The following PHYKPL variants were observed in gnomAD, a reference collection of about 807,000 sequenced individuals.
The protein encoded by PHYKPL is 5-phosphohydroxy-L-lysine phospho-lyase, also known as 5-phosphonooxy-L-lysine phospho-lyase.
In PHYKPL, 42 loss-of-function variants were observed where a neutral mutation model predicts 51.3. That is an observed-to-expected ratio of 0.82 (90% confidence interval 0.64 to 1.06). PHYKPL has a LOEUF of 1.06. Among genes scored for constraint, PHYKPL ranks in the 50% least tolerant of loss-of-function variants. The pLI is 0.00. For synonymous variants in PHYKPL, 264 were observed against 236.0 expected (o/e 1.12, Z -1.09); for missense variants, 655 against 586.6 (o/e 1.12, Z -1.20).
intron 8 of PHYKPL, among the ~76,000 whole-genome samples, chr5:178,217,931 G>C (rs1020881680): frequency 2.7e-5 from 4 of 148,066 alleles, no homozygotes; most frequent in East Asian, 4.1e-4. Context: ...AAGAAAAACA[G>C]TCATGTCTGG....
At chr5:178,211,776 T>C (rs1758515666) in intron 12 of PHYKPL, 114 bp downstream of exon 12, 1 of 672,520 alleles carries the variant, frequency 1.5e-6, no homozygotes, top group African/African-American at 1.8e-5. Context: ...GGAAGGAGCA[T>C]CAGTCAGAAC....
rs1206700727 is a variant in PHYKPL, at chr5:178,232,471, G to GCCCGCCC, written c.59+14_59+20dup. ...TCCGCGCAGCCCCGCGCCCCCCGCC[G>GCCCGCCC]CCCGCCCCCCGCCCGGGTACCTGAT... On this transcript the variant is annotated intron_variant, in intron 1 of 12. Transcript: ENST00000308158. 4.2e-5 allele frequency: 51 copies of GCCCGCCC among 1,219,576 alleles called. 1 individual carries two copies. The highest frequency in any genetic ancestry group is 2.3e-4 in the South Asian group (12 of 52,810). 75.5% of individuals were successfully genotyped at this position (1,219,576 alleles called of 1,614,324 possible).
intron 1 of PHYKPL, chr5:178,231,771 C>T (rs773182308): frequency 2.8e-5 from 41 of 1,466,770 alleles, no homozygotes; most frequent in South Asian, 1.6e-4. Context: ...GCCTCTGTGG[C>T]CTCCTTGCTC....
chr5:178,207,420 A>G (rs1329702663), downstream of PHYKPL, among the ~76,000 whole-genome samples: 2 of 152,218 alleles, frequency 1.3e-5, no homozygotes, highest in Non-Finnish European at 2.9e-5. Context: ...AGGACTGCCA[A>G]TAAACAACAC....
chr5:178,217,771 T>A (rs1192575972), intron 8 of PHYKPL, among the ~76,000 whole-genome samples: 2 of 146,716 alleles, frequency 1.4e-5, no homozygotes, highest in Non-Finnish European at 3.0e-5. Flanking sequence ...GGCAGGAGAA[T>A]GGCGTGAACC....
intron 3 of PHYKPL, chr5:178,228,547 T>C (rs1210774625): frequency 2.8e-6 from 2 of 702,484 alleles, no homozygotes; most frequent in African/African-American, 1.7e-5. Flanking sequence ...ACATGGCAAA[T>C]GTCTGGGCTC....
At chr5:178,212,560 A>G (rs1359591518) in intron 11 of PHYKPL, among the ~76,000 whole-genome samples, 1 of 152,190 alleles carries the variant, frequency 6.6e-6, no homozygotes, top group Non-Finnish European at 1.5e-5. Context: ...AGTGGTACCA[A>G]TCTTTCAGCC....
intron 6 of PHYKPL, chr5:178,223,655 G>A (rs1473115290): frequency 2.0e-5 from 7 of 354,006 alleles, no homozygotes; most frequent in South Asian, 4.1e-5. Flanking sequence ...TCCCCTGGTC[G>A]GGTTCTGCTA....
chr5:178,225,312 G>A (rs768947082), intron 4 of PHYKPL, 43 bp downstream of exon 4: 1 of 1,600,996 alleles, frequency 6.2e-7, no homozygotes, highest in Non-Finnish European at 8.6e-7. Context: ...AGAAGCCTGT[G>A]GGCCAGGCTT....
intron 3 of PHYKPL, among the ~76,000 whole-genome samples, chr5:178,228,830 T>G (rs943415218): frequency 1.3e-5 from 2 of 152,196 alleles, no homozygotes; most frequent in African/African-American, 4.8e-5. Context: ...GTGTCCACTC[T>G]TGCACTCCGT....
At chr5:178,207,942 G>A (rs1757159725), downstream of PHYKPL, among the ~76,000 whole-genome samples, 1 of 152,068 alleles carries the variant, frequency 6.6e-6, no homozygotes, top group Non-Finnish European at 1.5e-5. Context: ...CTTGTAAAGT[G>A]TTGGGATTAC....
At chr5:178,231,697 A>G (rs1763465945) in intron 1 of PHYKPL, 174 bp from the exon 2 acceptor site, 1 of 1,558,310 alleles carries the variant, frequency 6.4e-7, no homozygotes, top group Admixed American at 1.9e-5. Flanking sequence ...AGGTGGTTGC[A>G]AAGCAGGAAG....
chr5:178,226,693 C>A (rs1762350917), intron 3 of PHYKPL: 1 of 151,970 alleles, frequency 6.6e-6, no homozygotes, highest in African/African-American at 2.4e-5. Context: ...TGGGGTGGGA[C>A]CGTCTCTGGA....
chr5:178,231,430 G>A lies in PHYKPL; in HGVS notation c.153C>T (p.Ile51=). Residue 51 remains isoleucine (I), a synonymous_variant, in exon 2 of 13, where the codon ATC becomes ATT. Coordinates refer to ENST00000308158, the MANE Select transcript of PHYKPL (RefSeq NM_153373.4). ...CGTGCGCCACATTGCTGATGCAATCGATGTATTCTGCCCCCTGTTCATCGT... is the reference window on the plus strand; with the variant it reads ...CGTGCGCCACATTGCTGATGCAATCAATGTATTCTGCCCCCTGTTCATCGT... ...YMYDEQGAEY[I]DCISNVAHVG... is the part of the protein sequence containing the mutation. 1 of 1,614,176 alleles carries A rather than the reference G, an allele frequency of 6.2e-7. No homozygotes were observed. Among genetic ancestry groups the A allele is most frequent in the Non-Finnish European group, 8.5e-7 (1 of 1,180,028 alleles).
At chr5:178,225,637 G>A (rs551336385) in intron 3 of PHYKPL, 36 of 574,042 alleles carry the variant, frequency 6.3e-5, no homozygotes, top group Non-Finnish European at 9.7e-5. Context: ...ACATGGCCTT[G>A]GCCCTTCTGG....
intron 11 of PHYKPL, 104 bp downstream of exon 11, chr5:178,212,869 T>C: frequency 6.7e-7 from 1 of 1,488,872 alleles, no homozygotes; most frequent in South Asian, 1.3e-5. Flanking sequence ...CATGTGCCTC[T>C]GCTCTTGGAC....
rs1168410458 is a variant in PHYKPL, at chr5:178,229,317, G to T, written c.338+623C>A. On this transcript the variant is annotated intron_variant, in intron 3 of 12. Coordinates refer to ENST00000308158, the MANE Select transcript of PHYKPL (RefSeq NM_153373.4). ...GAGACGGGGTTTCGCCCTGTTGGCCGGGCTGGTCTCAAACTCCCGACCTCA... is the reference window on the plus strand; with the variant it reads ...GAGACGGGGTTTCGCCCTGTTGGCCTGGCTGGTCTCAAACTCCCGACCTCA... Among the ~76,000 whole-genome samples, 3 of 151,952 alleles carry T rather than the reference G, an allele frequency of 2.0e-5. No individual in the cohort carries two copies. In the East Asian group the frequency reaches 5.8e-4, roughly 29 times the overall value.
chr5:178,217,434 T>A (rs1760037724), intron 8 of PHYKPL, among the ~76,000 whole-genome samples: 1 of 151,792 alleles, frequency 6.6e-6, no homozygotes, highest in African/African-American at 2.4e-5. Flanking sequence ...TTGGCCAGGC[T>A]GGTCTTAAAC....
intron 11 of PHYKPL, 71 bp from the exon 12 acceptor site, chr5:178,212,041 G>C: frequency 6.5e-7 from 1 of 1,529,194 alleles, no homozygotes; most frequent in Non-Finnish European, 9.1e-7. Context: ...TGACTTCAGT[G>C]TCCAAACTGG....
Sources: gnomAD v4.1 joint callset for allele counts (sites outside exome capture counted in the v4.1 genomes callset) on GRCh38, gnomAD v4.1.1 for gene constraint, MANE v1.5 for transcripts, NCBI Gene and HGNC (gene_info 2026-07-23, HGNC 2026-07-21) for gene names.